FCHSD2: variants seen among roughly 807,000 people sequenced by gnomAD.
FCHSD2 encodes F-BAR and double SH3 domains protein 2.
Under a neutral mutation model 108.1 loss-of-function variants are expected in FCHSD2, and 38 were observed. The ratio of observed to expected loss-of-function variants is 0.35; its 90% CI spans 0.27 to 0.46. The LOEUF is 0.46. Ranked by LOEUF, FCHSD2 falls within the 20% of genes least tolerant of loss-of-function variation. FCHSD2 has a pLI of 1.00. For synonymous variants in FCHSD2, 279 were observed against 314.7 expected (o/e 0.89, Z 1.20); for missense variants, 751 against 897.8 (o/e 0.84, Z 2.09).
At chr11:73,091,391 C>CA (rs981634312) in intron 2 of FCHSD2, among the ~76,000 whole-genome samples, 1 of 150,094 alleles carries the variant, frequency 6.7e-6, no homozygotes, top group African/African-American at 2.5e-5. Context: ...ATACAAACAA[C>CA]AAAAAAAATT....
chr11:72,906,049 C>T (rs543689279), intron 9 of FCHSD2, among the ~76,000 whole-genome samples: 1 of 152,162 alleles, frequency 6.6e-6, no homozygotes, highest in Non-Finnish European at 1.5e-5. Flanking sequence ...ATTTACACTC[C>T]CACCAACAGT....
intron 8 of FCHSD2, among the ~76,000 whole-genome samples, chr11:72,976,655 C>T (rs993459395): frequency 1.9e-4 from 29 of 152,110 alleles, no homozygotes; most frequent in African/African-American, 6.3e-4. Flanking sequence ...TCAAATTATA[C>T]TACAGAGCTA....
intron 3 of FCHSD2, among the ~76,000 whole-genome samples, chr11:73,076,622 A>G (rs1859558061): frequency 1.3e-5 from 2 of 152,246 alleles, no homozygotes; most frequent in African/African-American, 2.4e-5. Flanking sequence ...TGATTATGGC[A>G]TAACTTTGTA....
At chr11:73,028,529 A>G (rs1248279455) in intron 3 of FCHSD2, among the ~76,000 whole-genome samples, 1 of 152,214 alleles carries the variant, frequency 6.6e-6, no homozygotes, top group Non-Finnish European at 1.5e-5. Context: ...TCCTTGTCTC[A>G]GATGAGACTT....
intron 3 of FCHSD2, among the ~76,000 whole-genome samples, chr11:73,033,870 T>G (rs1858424721): frequency 6.6e-6 from 1 of 152,180 alleles, no homozygotes; most frequent in African/African-American, 2.4e-5. Context: ...ATTTACCTAT[T>G]TGATGACGTG....
intron 3 of FCHSD2, among the ~76,000 whole-genome samples, chr11:73,078,341 A>G (rs919873489): frequency 6.6e-6 from 1 of 152,204 alleles, no homozygotes; most frequent in African/African-American, 2.4e-5. Flanking sequence ...ACCCCCAGAC[A>G]TATACCAAAG....
At chr11:73,114,307 C>T (rs1860557614) in intron 2 of FCHSD2, among the ~76,000 whole-genome samples, 1 of 151,962 alleles carries the variant, frequency 6.6e-6, no homozygotes, top group Non-Finnish European at 1.5e-5. Context: ...TTCTTCCAGA[C>T]CTGGGACTAA....
chr11:73,067,485 A>G (rs987487417), intron 3 of FCHSD2, among the ~76,000 whole-genome samples: 3 of 152,176 alleles, frequency 2.0e-5, no homozygotes, highest in African/African-American at 4.8e-5. Flanking sequence ...TAATAAAAAA[A>G]AAAGAAAGAA....
rs144552217 is a variant in FCHSD2, at chr11:72,953,522, A to T, written c.705+30566T>A. Among the ~76,000 whole-genome samples, 193 of 152,276 alleles carry T rather than the reference A, an allele frequency of 1.3e-3. 1 individual carries two copies. The highest frequency in any genetic ancestry group is 4.5e-3 in the African/African-American group (185 of 41,548). Reference sequence around the variant, plus strand: ...TATCACCTAAATCAATTTCAACCACATGAATTTATTGAACATGAATCCATA... The same window carrying T: ...TATCACCTAAATCAATTTCAACCACTTGAATTTATTGAACATGAATCCATA... On this transcript the variant is annotated intron_variant, in intron 8 of 19. Transcript: ENST00000409418.
At chr11:72,904,935 C>G (rs1026809646) in intron 9 of FCHSD2, among the ~76,000 whole-genome samples, 9 of 152,074 alleles carry the variant, frequency 5.9e-5, no homozygotes, top group African/African-American at 9.7e-5. Context: ...TCCAGTATTT[C>G]CTATACATTG....
intron 8 of FCHSD2, among the ~76,000 whole-genome samples, chr11:72,951,173 TGA>T (rs1856613638): frequency 6.6e-6 from 1 of 152,226 alleles, no homozygotes. Context: ...CTATCTTTTG[TGA>T]ACCACTGCAT....
chr11:73,045,241 T>C (rs1858732528), intron 3 of FCHSD2, among the ~76,000 whole-genome samples: 1 of 151,798 alleles, frequency 6.6e-6, no homozygotes, highest in South Asian at 2.1e-4. Flanking sequence ...CCAGTTAGAA[T>C]GGCGATCATT....
At chr11:72,848,554 AT>A (rs1306727857) in intron 14 of FCHSD2, among the ~76,000 whole-genome samples, 1 of 152,180 alleles carries the variant, frequency 6.6e-6, no homozygotes, top group Admixed American at 6.5e-5. Flanking sequence ...CCCTTCATAG[AT>A]TGTCCATTCC....
chr11:72,989,413 A>G (rs1477949382), intron 5 of FCHSD2, among the ~76,000 whole-genome samples: 3 of 152,150 alleles, frequency 2.0e-5, no homozygotes, highest in Admixed American at 6.5e-5. Flanking sequence ...ACTGTTGGAG[A>G]TATCATGATA....
rs1861237204 is a variant in FCHSD2 at position 72,849,901 on chromosome 11, T to C, written c.1309-12A>G. 1.2e-6 allele frequency: 2 copies of C among 1,605,618 alleles called. No homozygotes were observed. The highest frequency in any genetic ancestry group is 2.2e-5 in the South Asian group (2 of 89,012). On this transcript the variant is annotated splice_polypyrimidine_tract_variant and intron_variant, in intron 13 of 19. Coordinates refer to ENST00000409418, the MANE Select transcript of FCHSD2 (RefSeq NM_014824.3). The stretch of plus-strand genomic sequence containing the variant: ...GTATCTGCATTAAGCTAAGAAAAAT[T>C]AGAAACCATTGGCTAGTTTCCTTAC...
rs1248366202 is a variant in FCHSD2 at position 73,075,270 on chromosome 11, C to T, written c.165+8425G>A. Reference sequence around the variant, plus strand: ...TGATATTTCCTAAAGCTGAACAACACATAACCTATGACACAACAATTCCAT... The same window carrying T: ...TGATATTTCCTAAAGCTGAACAACATATAACCTATGACACAACAATTCCAT... On this transcript the variant is annotated intron_variant, in intron 3 of 19. Coordinates refer to ENST00000409418, the MANE Select transcript of FCHSD2 (RefSeq NM_014824.3). Among the ~76,000 whole-genome samples the T allele has an allele frequency of 6.6e-5, 10 of 152,316 alleles. No homozygotes were observed. The East Asian group carries it at 1.9e-3, about 29-fold the overall frequency.
At chr11:72,914,032 T>C (rs945480025) in intron 9 of FCHSD2, among the ~76,000 whole-genome samples, 5 of 152,146 alleles carry the variant, frequency 3.3e-5, no homozygotes, top group Non-Finnish European at 7.4e-5. Flanking sequence ...TATTTATTTA[T>C]TTCAGAAGGA....
intron 2 of FCHSD2, among the ~76,000 whole-genome samples, chr11:73,130,472 A>G (rs184487789): frequency 1.3e-5 from 2 of 152,342 alleles, no homozygotes; most frequent in East Asian, 3.9e-4. Flanking sequence ...CAAGTTCAGG[A>G]GAGTATCCTC....
At chr11:73,075,153 C>T (rs939873013) in intron 3 of FCHSD2, among the ~76,000 whole-genome samples, 4 of 152,106 alleles carry the variant, frequency 2.6e-5, no homozygotes, top group Non-Finnish European at 4.4e-5. Context: ...ACAGACAAAA[C>T]CAAGTATAGG....
Sources: gnomAD v4.1 joint callset for allele counts (sites outside exome capture counted in the v4.1 genomes callset) on GRCh38, gnomAD v4.1.1 for gene constraint, MANE v1.5 for transcripts, NCBI Gene and HGNC (gene_info 2026-07-23, HGNC 2026-07-21) for gene names.